Variants in GPR63 observed in about 807,000 individuals in gnomAD.
The protein encoded by GPR63 is G protein-coupled receptor 63.
In GPR63, 12 loss-of-function variants were observed where a neutral mutation model predicts 23.1. The ratio of observed to expected loss-of-function variants is 0.52; its 90% CI spans 0.33 to 0.84. The LOEUF (loss-of-function observed/expected upper bound fraction) is 0.84, where lower values mean the gene tolerates loss of function less well. Among genes scored for constraint, GPR63 ranks in the 40% least tolerant of loss-of-function variants. The probability of loss-of-function intolerance (pLI) is 0.02; values close to 1 mark genes in which losing one functional copy is unlikely to be tolerated. For missense variants in GPR63, 472 were observed against 515.6 expected (o/e 0.92, Z 0.82); for synonymous variants, 172 against 191.1 (o/e 0.90, Z 0.82).
chr6:96,822,739 T>A (rs182788385), intron 1 of GPR63, among the ~76,000 whole-genome samples: 150 of 152,316 alleles, frequency 9.8e-4, no homozygotes, highest in Non-Finnish European at 1.3e-3. Flanking sequence ...CTTATGTAAC[T>A]TACAAGTTTA....
At chr6:96,820,491 T>C (rs2127955604) in intron 1 of GPR63, among the ~76,000 whole-genome samples, 1 of 152,310 alleles carries the variant, frequency 6.6e-6, no homozygotes, top group African/African-American at 2.4e-5. Flanking sequence ...ACCCCATATT[T>C]CCTGCAATTA....
chr6:96,810,550 G>A (rs1202272089), intron 1 of GPR63, among the ~76,000 whole-genome samples: 3 of 150,882 alleles, frequency 2.0e-5, no homozygotes, highest in African/African-American at 7.3e-5. Context: ...ATACATACTA[G>A]GAATACCATG....
At chr6:96,826,965 G>A (rs1774453804) in intron 1 of GPR63, among the ~76,000 whole-genome samples, 1 of 149,692 alleles carries the variant, frequency 6.7e-6, no homozygotes, top group Admixed American at 6.7e-5. Flanking sequence ...AACAGCAAAT[G>A]TATTTCCCCT....
rs1193431397 is a variant in GPR63, at chr6:96,798,549, G to T, written c.1183C>A (p.Gln395Lys). 2 of 1,614,208 alleles carry T rather than the reference G, an allele frequency of 1.2e-6. No homozygotes were observed. The highest frequency in any genetic ancestry group is 1.7e-5 in the Admixed American group (1 of 60,024). ...CGTCGCTTTGTGTGACCAGGGAGCTGCGGCAAAAACTTGAAGGACTTAGGC... is the reference window on the plus strand; with the variant it reads ...CGTCGCTTTGTGTGACCAGGGAGCTTCGGCAAAAACTTGAAGGACTTAGGC... ...MMPKSFKFLP[Q>K]LPGHTKRRIR... Residue 395 changes from glutamine to lysine, a missense_variant, in exon 2 of 2, where the codon CAG (glutamine) becomes AAG (lysine). By Grantham distance (53) the Gln-to-Lys change is moderately conservative (BLOSUM62 1). Transcript: ENST00000229955.
intron 1 of GPR63, among the ~76,000 whole-genome samples, chr6:96,808,825 G>A (rs1773967157): frequency 1.3e-5 from 2 of 151,982 alleles, no homozygotes; most frequent in South Asian, 2.1e-4. Flanking sequence ...TGCACAATGT[G>A]CAGGTTAGTT....
At chr6:96,820,444 A>C (rs1422109716) in intron 1 of GPR63, among the ~76,000 whole-genome samples, 1 of 152,154 alleles carries the variant, frequency 6.6e-6, no homozygotes, top group African/African-American at 2.4e-5. Flanking sequence ...AATAAAATTT[A>C]AATATGGTGC....
At chr6:96,810,628 A>T (rs910750860) in intron 1 of GPR63, among the ~76,000 whole-genome samples, 2 of 152,208 alleles carry the variant, frequency 1.3e-5, no homozygotes, top group African/African-American at 4.8e-5. Context: ...ATACTAAAAA[A>T]AAAAGAAAAA....
intron 1 of GPR63, among the ~76,000 whole-genome samples, chr6:96,822,666 T>G (rs773959104): frequency 6.6e-6 from 1 of 152,204 alleles, no homozygotes; most frequent in Non-Finnish European, 1.5e-5. Context: ...AAGCACCTGC[T>G]CTAAGCCAGC....
At chr6:96,811,462 G>A (rs1237429157) in intron 1 of GPR63, among the ~76,000 whole-genome samples, 1 of 152,176 alleles carries the variant, frequency 6.6e-6, no homozygotes, top group Non-Finnish European at 1.5e-5. Flanking sequence ...TGACATTATG[G>A]AGCATCTCTC....
In GPR63 at chr6:96,799,525, T is replaced by A. The variant is rs1028758931; in HGVS notation, c.207A>T (p.Thr69=). ...AGTTTAGGCTCTTAAATGCTGCTGG[T>A]GTTGTGGGCACAGCTGTACTATTCA... is the stretch of plus-strand genomic sequence containing the variant. The part of the protein sequence containing the change: ...LTVNSTAVPT[T]PAAFKSLNLP... The change falls in exon 2 of 2, where the codon ACA becomes ACT. Residue 69 remains threonine (T), a synonymous_variant. Transcript: ENST00000229955. 6.2e-7 allele frequency: 1 copy of A among 1,613,956 alleles called. No individual in the cohort carries two copies. The highest frequency in any genetic ancestry group is 1.3e-5 in the African/African-American group (1 of 74,886).
Position 96,798,205 on chromosome 6 carries a change from T to C in GPR63, c.*267A>G, listed in dbSNP as rs1773642485. ...CCTGATTCCCACTATGAAAACAAAA[T>C]CAATCAAGGAAAAACCCCAAAACCA... On this transcript the variant is annotated 3_prime_UTR_variant, in exon 2 of 2. Coordinates refer to ENST00000229955, the MANE Select transcript of GPR63 (RefSeq NM_030784.4). The C allele has an allele frequency of 1.1e-5, 4 of 361,400 alleles. No individual in the cohort carries two copies. The highest frequency in any genetic ancestry group is 2.0e-5 in the Non-Finnish European group (4 of 201,448). 22.4% of individuals were successfully genotyped at this position (361,400 alleles called of 1,614,324 possible). A position where few individuals can be genotyped will look rare whatever the true frequency, so the allele number is the denominator to read the frequency against.
chr6:96,811,048 C>T (rs1774029648), intron 1 of GPR63, among the ~76,000 whole-genome samples: 1 of 152,168 alleles, frequency 6.6e-6, no homozygotes, highest in Non-Finnish European at 1.5e-5. Flanking sequence ...GGGTAAGAAG[C>T]AAACCACAGT....
rs374945565 is a variant in GPR63, at chr6:96,831,051, A to G, written c.-151+6217T>C. 7.9e-4 allele frequency among the ~76,000 whole-genome samples: 121 copies of G among 152,232 alleles called. 1 individual carries two copies. The highest frequency in any genetic ancestry group is 2.7e-3 in the African/African-American group (114 of 41,476). ...AAATTTTGTAAATTTAAACCTTCCAAATTTATTTTAAATGTTAAGAGTCCA... is the reference window on the plus strand; with the variant it reads ...AAATTTTGTAAATTTAAACCTTCCAGATTTATTTTAAATGTTAAGAGTCCA... On this transcript the variant is annotated intron_variant, in intron 1 of 1. Transcript: ENST00000229955.
At chr6:96,822,369 C>T (rs1019691107) in intron 1 of GPR63, among the ~76,000 whole-genome samples, 16 of 151,486 alleles carry the variant, frequency 1.1e-4, no homozygotes, top group Non-Finnish European at 2.1e-4. Context: ...GGGAAGGTTC[C>T]GAAAAAAAGG....
At position 96,799,822 on chromosome 6, in the gene GPR63, C is replaced by G; in HGVS notation, c.-91G>C. 1 of 1,281,976 alleles carries G rather than the reference C, an allele frequency of 7.8e-7. No homozygotes were observed. The highest frequency in any genetic ancestry group is 1.1e-6 in the Non-Finnish European group (1 of 885,110). 79.4% of individuals were successfully genotyped at this position (1,281,976 alleles called of 1,614,324 possible). On this transcript the variant is annotated 5_prime_UTR_variant, in exon 2 of 2. Transcript: ENST00000229955. ...AGCAGTATCAGGTCCCATTGATGGG[C>G]TTGGAAATACATTCTGGAAAATGGA...
rs996991476 is a variant in GPR63, at chr6:96,798,864, T to C, written c.868A>G (p.Lys290Glu). The change falls in exon 2 of 2, where the codon AAA becomes GAA. Residue 290 changes from lysine (K) to glutamate (E), a missense_variant. Lys to Glu is a moderately conservative substitution (Grantham distance 56). Transcript: ENST00000229955. ...CTCTGCAGACTCATGAGACCCAGTT[T>C]GCTGGCCTGGCTGAGGCATATACCT... ...PEGICLSQAS[K>E]LGLMSLQRPF... 6.2e-7 allele frequency: 1 copy of C among 1,614,114 alleles called. No individual in the cohort carries two copies. Among genetic ancestry groups the C allele is most frequent in the African/African-American group, 1.3e-5 (1 of 74,934 alleles).
chr6:96,798,929 GTGT>G lies in GPR63; in HGVS notation c.800_802del (p.Asn267del). The G allele has an allele frequency of 6.2e-7, 1 of 1,614,188 alleles. No individual in the cohort carries two copies. The highest frequency in any genetic ancestry group is 8.5e-7 in the Non-Finnish European group (1 of 1,180,034). On this transcript the variant is annotated inframe_deletion, in exon 2 of 2. Coordinates refer to ENST00000229955, the MANE Select transcript of GPR63 (RefSeq NM_030784.4). ...GATCCTCAAGGCATTGTGCCGAAGG[GTGT>G]TGAGTATGCCCATAAATGAGTACAG...
intron 1 of GPR63, among the ~76,000 whole-genome samples, chr6:96,833,624 T>C (rs1774647025): frequency 6.6e-6 from 1 of 152,182 alleles, no homozygotes; most frequent in African/African-American, 2.4e-5. Context: ...AATGCTTTAA[T>C]AACATAGACT....
rs1249749456 is a variant in GPR63 at position 96,794,137 on chromosome 6, AT to A, written c.*4334del. 20 of 152,064 alleles carry A rather than the reference AT, an allele frequency of 1.3e-4. No individual in the cohort carries two copies. The highest frequency in any genetic ancestry group is 1.3e-3 in the Admixed American group (20 of 15,266). 9.4% of individuals were successfully genotyped at this position (152,064 alleles called of 1,614,324 possible). A position where few individuals can be genotyped will look rare whatever the true frequency, so the allele number is the denominator to read the frequency against. On this transcript the variant is annotated 3_prime_UTR_variant, in exon 2 of 2. Coordinates refer to ENST00000229955, the MANE Select transcript of GPR63 (RefSeq NM_030784.4). ...AAACTCCACTTTAGAAATGTTAAAT[AT>A]TTATTTATTTTCTTATCAGGAGTTC...
Sources: allele counts gnomAD v4.1 joint callset (sites outside exome capture counted in the v4.1 genomes callset), GRCh38; gene constraint gnomAD v4.1.1; transcripts MANE v1.5; gene names NCBI Gene and HGNC (gene_info 2026-07-23, HGNC 2026-07-21).